Variants in ATP9B observed in about 807,000 individuals in gnomAD.
ATP9B encodes ATPase phospholipid transporting 9B.
In ATP9B, 110 loss-of-function variants were observed where a neutral mutation model predicts 146.1. The ratio of observed to expected loss-of-function variants is 0.75; its 90% confidence interval spans 0.65 to 0.88. The LOEUF (loss-of-function observed/expected upper bound fraction) is 0.88. Among genes scored for constraint, ATP9B ranks in the 40% least tolerant of loss-of-function variants. The pLI is 0.00. For missense variants in ATP9B, 1,499 were observed against 1,496.4 expected, an observed-to-expected ratio of 1.00 and a Z score of -0.03; for synonymous variants, 604 against 569.7, an observed-to-expected ratio of 1.06 and a Z score of -0.86.
At chr18:79,256,286 T>TATATAG (rs398033647) in intron 12 of ATP9B, among the ~76,000 whole-genome samples, 1 of 123,074 alleles carries the variant, frequency 8.1e-6, no homozygotes, top group African/African-American at 3.2e-5. Context: ...TATATATATA[T>TATATAG]ACATACATAG....
At chr18:79,368,498 T>G (rs1372567962) in intron 26 of ATP9B, among the ~76,000 whole-genome samples, 1 of 152,230 alleles carries the variant, frequency 6.6e-6, no homozygotes, top group African/African-American at 2.4e-5. Context: ...GCGAGCACTC[T>G]GTGGCAGCAA....
At chr18:79,208,684 G>T (rs2095556502) in intron 10 of ATP9B, among the ~76,000 whole-genome samples, 2 of 152,024 alleles carry the variant, frequency 1.3e-5, no homozygotes, top group Admixed American at 1.3e-4. Context: ...GGTGTTTCAT[G>T]ATGTTATTTA....
At chr18:79,376,318 C>T in intron 29 of ATP9B, 1 of 985,322 alleles carries the variant, frequency 1.0e-6, no homozygotes, top group South Asian at 4.7e-5. Context: ...ACTTCAGTGC[C>T]TTCACAAATT....
chr18:79,277,258 A>T, intron 13 of ATP9B, 62 bp downstream of exon 13: 2 of 1,578,404 alleles, frequency 1.3e-6, no homozygotes, highest in Non-Finnish European at 1.7e-6. Flanking sequence ...AAAAAATAGC[A>T]TAGCGTATAG....
chr18:79,117,040 A>ACT (rs138445771), intron 4 of ATP9B, among the ~76,000 whole-genome samples: 20,859 of 151,294 alleles, frequency 0.14, 2,000 homozygotes, highest in African/African-American at 0.28. Context: ...GATTATTCAA[A>ACT]CTGCCATATC....
intron 12 of ATP9B, among the ~76,000 whole-genome samples, chr18:79,268,652 C>A (rs2096227400): frequency 6.6e-6 from 1 of 152,120 alleles, no homozygotes; most frequent in Non-Finnish European, 1.5e-5. Flanking sequence ...GTTCTTAAAC[C>A]CCAAAGAAAA....
chr18:79,207,089 A>AG, intron 10 of ATP9B, 77 bp downstream of exon 10: 1 of 1,408,320 alleles, frequency 7.1e-7, no homozygotes, highest in South Asian at 1.2e-5. Context: ...ACTCCAAACA[A>AG]GGGTTTCTCA....
chr18:79,225,507 C>T (rs2095719740), intron 11 of ATP9B, among the ~76,000 whole-genome samples: 2 of 152,374 alleles, frequency 1.3e-5, no homozygotes, highest in African/African-American at 4.8e-5. Flanking sequence ...ATGTCTTCAT[C>T]ATGGGGACGT....
chr18:79,141,275 CATT>C (rs1364034257), intron 5 of ATP9B, among the ~76,000 whole-genome samples: 2 of 152,188 alleles, frequency 1.3e-5, no homozygotes, highest in African/African-American at 4.8e-5. Context: ...TTCCCTTCAC[CATT>C]ATTGATTGTA....
At chr18:79,322,134 G>A (rs1309332648) in intron 15 of ATP9B, among the ~76,000 whole-genome samples, 1 of 152,070 alleles carries the variant, frequency 6.6e-6, no homozygotes, top group Non-Finnish European at 1.5e-5. Flanking sequence ...GTGTATCGCT[G>A]ATGCCCTGAA....
At chr18:79,131,467 T>C (rs951867849) in intron 5 of ATP9B, among the ~76,000 whole-genome samples, 2 of 152,182 alleles carry the variant, frequency 1.3e-5, no homozygotes, top group African/African-American at 2.4e-5. Flanking sequence ...TGCAAATCTC[T>C]ATGAGACATC....
intron 15 of ATP9B, among the ~76,000 whole-genome samples, chr18:79,321,169 C>T (rs776994625): frequency 6.6e-6 from 1 of 152,190 alleles, no homozygotes; most frequent in Admixed American, 6.5e-5. Context: ...TGCTGCAGAG[C>T]TGCAGAGCAT....
At chr18:79,127,810 A>G (rs752044024) in intron 5 of ATP9B, among the ~76,000 whole-genome samples, 37 of 152,216 alleles carry the variant, frequency 2.4e-4, no homozygotes, top group Non-Finnish European at 4.0e-4. Context: ...TGGCCACACC[A>G]TTTTACATCC....
chr18:79,369,532 C>CAAAAAAAA, intron 26 of ATP9B, among the ~76,000 whole-genome samples: 1 of 87,990 alleles, frequency 1.1e-5, no homozygotes, highest in Non-Finnish European at 2.2e-5. Context: ...GAGTCCGTCT[C>CAAAAAAAA]AAAAAAAAAA....
intron 2 of ATP9B, among the ~76,000 whole-genome samples, chr18:79,103,340 CTAATACA>C (rs1287120310): frequency 6.8e-6 from 1 of 148,112 alleles, no homozygotes; most frequent in Non-Finnish European, 1.5e-5. Flanking sequence ...GAGAAGTGGT[CTAATACA>C]TAGTTTTGTC....
At chr18:79,331,992 C>T (rs970399790) in intron 17 of ATP9B, among the ~76,000 whole-genome samples, 1 of 152,198 alleles carries the variant, frequency 6.6e-6, no homozygotes, top group Non-Finnish European at 1.5e-5. Context: ...ACTTCTGACT[C>T]CCCAACACGT....
At chr18:79,157,510 A>C (rs2094813644) in intron 7 of ATP9B, among the ~76,000 whole-genome samples, 1 of 149,336 alleles carries the variant, frequency 6.7e-6, no homozygotes. Flanking sequence ...TAGTGGAATG[A>C]GTTAAGAAGT....
At chr18:79,178,933 G>T (rs78733986) in intron 8 of ATP9B, among the ~76,000 whole-genome samples, 1 of 152,092 alleles carries the variant, frequency 6.6e-6, no homozygotes, top group Non-Finnish European at 1.5e-5. Context: ...CATAAAATTG[G>T]CGTTATTTAT....
At chr18:79,204,584 A>T (rs2095517712) in intron 9 of ATP9B, among the ~76,000 whole-genome samples, 1 of 152,224 alleles carries the variant, frequency 6.6e-6, no homozygotes, top group South Asian at 2.1e-4. Flanking sequence ...TGTAACTGCT[A>T]AGTTCAGGAA....
Sources: gnomAD v4.1 joint callset for allele counts (sites outside exome capture counted in the v4.1 genomes callset) on GRCh38, gnomAD v4.1.1 for gene constraint, MANE v1.5 for transcripts, NCBI Gene and HGNC (gene_info 2026-07-23, HGNC 2026-07-21) for gene names.